The following NANOG variants were observed in gnomAD, a reference collection of about 807,000 sequenced individuals.
NANOG encodes the protein homeobox protein NANOG.
A neutral mutation model predicts 17.7 loss-of-function variants in NANOG; 2 were observed. That is an observed-to-expected ratio of 0.11 (90% confidence interval 0.05 to 0.36). The LOEUF (loss-of-function observed/expected upper bound fraction) is 0.36. Ranked by LOEUF, NANOG falls within the 10% of genes least tolerant of loss-of-function variation. The pLI is 1.00. For missense variants in NANOG, 174 were observed against 362.1 expected (o/e 0.48, Z 4.22); for synonymous variants, 81 against 124.7 (o/e 0.65, Z 2.33).
In NANOG at chr12:7,793,226, G is replaced by C. The variant is rs1397843669; in HGVS notation, c.414+14G>C. 2 of 1,613,410 alleles carry C rather than the reference G, an allele frequency of 1.2e-6. No individual in the cohort carries two copies. Among genetic ancestry groups the C allele is most frequent in the Non-Finnish European group, 1.7e-6 (2 of 1,179,634 alleles). ...AGCTACAAACAGGTAGGCTTGTTTTGTCCTTGGAATAAGGTGAACAAAAAT... is the reference window on the plus strand; with the variant it reads ...AGCTACAAACAGGTAGGCTTGTTTTCTCCTTGGAATAAGGTGAACAAAAAT... On this transcript the variant is annotated intron_variant, in intron 2 of 3. Transcript: ENST00000229307.
rs1212290351 is a variant in NANOG, at chr12:7,798,059, CAAT to C, written c.*2970_*2972del. 1 of 151,880 alleles carries C rather than the reference CAAT, an allele frequency of 6.6e-6. No homozygotes were observed. Among genetic ancestry groups the C allele is most frequent in the African/African-American group, 2.4e-5 (1 of 41,342 alleles). 9.4% of individuals were successfully genotyped at this position (151,880 alleles called of 1,614,324 possible). A position where few individuals can be genotyped will look rare whatever the true frequency, so the allele number is the denominator to read the frequency against. ...CTATTTGGAATAATCTTTAAAGTAA[CAAT>C]AATAACTACAGTCAAAAGCAGTAAG... is the stretch of plus-strand genomic sequence containing the variant. On this transcript the variant is annotated 3_prime_UTR_variant, in exon 4 of 4. Coordinates refer to ENST00000229307, the MANE Select transcript of NANOG (RefSeq NM_024865.4).
At chr12:7,793,392 CTATTA>C (rs145731236) in intron 2 of NANOG, among the ~76,000 whole-genome samples, 180 bp downstream of exon 2, 4,835 of 152,186 alleles carry the variant, frequency 0.032, 180 homozygotes, top group East Asian at 0.099. Flanking sequence ...CTTAAATATT[CTATTA>C]TGTGAATAAT....
chr12:7,794,205 C>T (rs1430592817), intron 2 of NANOG, among the ~76,000 whole-genome samples: 2 of 152,242 alleles, frequency 1.3e-5, no homozygotes, highest in East Asian at 1.9e-4. Context: ...TCCTGAGAAG[C>T]TGGGACCACA....
chr12:7,792,779 A>G (rs1479794934), intron 1 of NANOG, among the ~76,000 whole-genome samples, 171 bp from the exon 2 acceptor site: 2 of 152,178 alleles, frequency 1.3e-5, no homozygotes, highest in African/African-American at 2.4e-5. Flanking sequence ...TTCTTGGAGT[A>G]ATACTATATA....
rs1436456559 is a variant in NANOG, at chr12:7,789,630, G to C, written c.16G>C (p.Ala6Pro). ...CTATACTAACATGAGTGTGGATCCA[G>C]CTTGTCCCCAAAGCTTGCCTTGCTT... MSVDP[A>P]CPQSLPCFEA... The change falls in exon 1 of 4, where the codon GCT becomes CCT. Residue 6 changes from alanine (A) to proline (P), a missense_variant. Coordinates refer to ENST00000229307, the MANE Select transcript of NANOG (RefSeq NM_024865.4). The C allele has an allele frequency of 5.6e-6, 9 of 1,613,750 alleles. No individual in the cohort carries two copies. Among genetic ancestry groups the C allele is most frequent in the Admixed American group, 1.7e-5 (1 of 59,998 alleles).
intron 1 of NANOG, among the ~76,000 whole-genome samples, chr12:7,790,091 T>C (rs1210609637): frequency 7.1e-6 from 1 of 140,682 alleles, no homozygotes; most frequent in African/African-American, 2.7e-5. Context: ...GAAGGTGATG[T>C]GTACATCTTC....
In NANOG at chr12:7,797,357, A is replaced by ATTTT. The variant is rs35626012; in HGVS notation, c.*2276_*2279dup. 1,219 of 126,480 alleles carry ATTTT rather than the reference A, an allele frequency of 9.6e-3. 34 individuals are homozygous for ATTTT. The highest frequency in any genetic ancestry group is 0.017 in the African/African-American group (574 of 33,290). The allele number at this position is 126,480 out of a possible 1,614,324, so 7.8% of individuals were successfully genotyped here. On this transcript the variant is annotated 3_prime_UTR_variant, in exon 4 of 4. Transcript: ENST00000229307. ...AGGTGTGAGCCACCGTGTCTGGGCA[A>ATTTT]TTTTTTTTTTTTTTTTTGAGATGGA...
chr12:7,790,409 T>C (rs1862823359), intron 1 of NANOG, among the ~76,000 whole-genome samples: 1 of 152,198 alleles, frequency 6.6e-6, no homozygotes, highest in Non-Finnish European at 1.5e-5. Context: ...TCCAGAAAGT[T>C]TAATCTACTG....
chr12:7,791,960 T>C (rs1174236733), intron 1 of NANOG, among the ~76,000 whole-genome samples: 1 of 152,194 alleles, frequency 6.6e-6, no homozygotes, highest in Non-Finnish European at 1.5e-5. Context: ...GCAGTGGCAC[T>C]CTCGGCTTAC....
rs1592119515 is a variant in NANOG at position 7,796,797 on chromosome 12, C to T, written c.*1702C>T. On this transcript the variant is annotated 3_prime_UTR_variant, in exon 4 of 4. Coordinates refer to ENST00000229307, the MANE Select transcript of NANOG (RefSeq NM_024865.4). ...GTTTTTTTTTAAGACTGGAGTCTTA[C>T]TCTGTTGCCCAGGCTGGAGTGTAGT... The T allele has an allele frequency of 4.6e-5, 1 of 21,840 alleles. No homozygotes were observed. The highest frequency in any genetic ancestry group is 7.1e-5 in the African/African-American group (1 of 14,170). The allele number at this position is 21,840 out of a possible 1,614,324, so 1.4% of individuals were successfully genotyped here.
rs1862937744 is a variant in NANOG at position 7,796,774 on chromosome 12, T to G, written c.*1679T>G. On this transcript the variant is annotated 3_prime_UTR_variant, in exon 4 of 4. Coordinates refer to ENST00000229307, the MANE Select transcript of NANOG (RefSeq NM_024865.4). ...GTGTTTTTTTTTTGTTTTATTTTGT[T>G]TTTTTTTAAGACTGGAGTCTTACTC... The G allele has an allele frequency of 1.2e-4, 2 of 17,360 alleles. No individual in the cohort carries two copies. Among genetic ancestry groups the G allele is most frequent in the Admixed American group, 1.6e-3 (2 of 1,260 alleles). The allele number at this position is 17,360 out of a possible 1,614,324, so 1.1% of individuals were successfully genotyped here. A position where few individuals can be genotyped will look rare whatever the true frequency, so the allele number is the denominator to read the frequency against.
At position 7,793,044 on chromosome 12, in the gene NANOG, G is replaced by T. The variant is rs2889551; in HGVS notation, c.246G>T (p.Lys82Asn). 0.55 allele frequency: 829,910 copies of T among 1,521,626 alleles called. 247,205 individuals are homozygous for T. The highest frequency in any genetic ancestry group is 0.62 in the Middle Eastern group (3,479 of 5,590). 94.3% of individuals were successfully genotyped at this position (1,521,626 alleles called of 1,614,324 possible). A position where few individuals can be genotyped will look rare whatever the true frequency, so the allele number is the denominator to read the frequency against. ...GCAAACAACCCACTTCTGCAGAGAAGAGTGTCGCAAAAAAGGAAGACAAGG... is the reference window on the plus strand; with the variant it reads ...GCAAACAACCCACTTCTGCAGAGAATAGTGTCGCAAAAAAGGAAGACAAGG... The part of the protein sequence containing the change: ...PKGKQPTSAE[K>N]SVAKKEDKVP... Residue 82 changes from lysine to asparagine, a missense_variant, in exon 2 of 4, where the codon AAG (lysine) becomes AAT (asparagine). Physicochemically the swap from Lys to Asn is moderately conservative, Grantham distance 94. This residue lies in a region of NANOG where 158 missense variants were observed against 244.2 expected (regional missense o/e 0.65). Transcript: ENST00000229307.
chr12:7,792,128 C>T (rs1473561318), intron 1 of NANOG, among the ~76,000 whole-genome samples: 2 of 152,174 alleles, frequency 1.3e-5, no homozygotes, highest in African/African-American at 2.4e-5. Flanking sequence ...CTCTTGACCT[C>T]AAGTGATCTG....
intron 2 of NANOG, among the ~76,000 whole-genome samples, chr12:7,793,919 T>G (rs1437347102): frequency 6.6e-6 from 1 of 152,108 alleles, no homozygotes; most frequent in Non-Finnish European, 1.5e-5. Flanking sequence ...TTTTACTGTA[T>G]TTTTTAGTAG....
chr12:7,793,310 T>C (rs11833344), intron 2 of NANOG, 98 bp downstream of exon 2: 19,668 of 1,122,198 alleles, frequency 0.018, 659 homozygotes, highest in East Asian at 0.085. Context: ...GTACTATGTG[T>C]CCGTACATCG....
intron 1 of NANOG, among the ~76,000 whole-genome samples, chr12:7,792,441 C>A (rs1413257237): frequency 6.6e-6 from 1 of 152,022 alleles, no homozygotes; most frequent in Non-Finnish European, 1.5e-5. Flanking sequence ...CCGAGGCAGG[C>A]GGATCACGAG....
intron 1 of NANOG, among the ~76,000 whole-genome samples, chr12:7,790,717 T>C (rs1208912187): frequency 2.0e-5 from 3 of 151,714 alleles, no homozygotes; most frequent in Non-Finnish European, 4.4e-5. Context: ...ATGATTGCTA[T>C]ATTTGAGCCT....
chr12:7,791,963 CG>C (rs1565476496), intron 1 of NANOG, among the ~76,000 whole-genome samples: 1 of 152,176 alleles, frequency 6.6e-6, no homozygotes, highest in Non-Finnish European at 1.5e-5. Context: ...GTGGCACTCT[CG>C]GCTTACTGCA....
chr12:7,793,551 CT>C (rs1001927998), intron 2 of NANOG, among the ~76,000 whole-genome samples: 42 of 151,988 alleles, frequency 2.8e-4, no homozygotes, highest in East Asian at 2.1e-3. Context: ...AAAATAAAAA[CT>C]TTTTTTTTCC....
Sources: gnomAD v4.1 joint callset for allele counts (sites outside exome capture counted in the v4.1 genomes callset) on GRCh38, gnomAD v4.1.1 for gene constraint, gnomAD v4.1.1 regional missense constraint, MANE v1.5 for transcripts, NCBI Gene and HGNC (gene_info 2026-07-23, HGNC 2026-07-21) for gene names.